Variants in ATG3 observed in about 807,000 individuals in gnomAD.
ATG3 encodes the protein ubiquitin-like-conjugating enzyme ATG3.
A neutral mutation model predicts 50.7 loss-of-function variants in ATG3; 25 were observed. That is an observed-to-expected ratio of 0.49 (90% CI 0.36 to 0.69). The LOEUF is 0.69. Among genes scored for constraint, ATG3 ranks in the 30% least tolerant of loss-of-function variants. The pLI is 0.00. For missense variants in ATG3, 281 were observed against 376.0 expected, an observed-to-expected ratio of 0.75 and a Z score of 2.09; for synonymous variants, 119 against 125.5, an observed-to-expected ratio of 0.95 and a Z score of 0.34.
At chr3:112,557,987 T>A (rs1370008589) in intron 2 of ATG3, among the ~76,000 whole-genome samples, 4 of 151,810 alleles carry the variant, frequency 2.6e-5, no homozygotes, top group Non-Finnish European at 4.4e-5. Flanking sequence ...ATCTAAGTAG[T>A]AAGCAAAGTT....
chr3:112,547,950 T>C (rs1933412744), intron 5 of ATG3, among the ~76,000 whole-genome samples: 1 of 152,250 alleles, frequency 6.6e-6, no homozygotes, highest in Non-Finnish European at 1.5e-5. Context: ...TAAAGCAAAG[T>C]AGTATGCATA....
At chr3:112,540,192 A>G (rs1291940267) in intron 7 of ATG3, among the ~76,000 whole-genome samples, 1 of 152,252 alleles carries the variant, frequency 6.6e-6, no homozygotes, top group East Asian at 1.9e-4. Context: ...CATGAAAATA[A>G]GGACAAGAAT....
intron 6 of ATG3, 77 bp from the exon 7 acceptor site, chr3:112,541,961 G>T: frequency 9.0e-7 from 1 of 1,105,726 alleles, no homozygotes; most frequent in Non-Finnish European, 1.3e-6. Flanking sequence ...TGCTAGCACA[G>T]TGGTAACCAC....
At chr3:112,558,968 A>G (rs1438188905) in intron 1 of ATG3, among the ~76,000 whole-genome samples, 2 of 151,928 alleles carry the variant, frequency 1.3e-5, no homozygotes, top group Non-Finnish European at 2.9e-5. Flanking sequence ...CGAACTCCTG[A>G]CCTCAGGTGA....
At chr3:112,545,144 G>C (rs886992323) in intron 5 of ATG3, among the ~76,000 whole-genome samples, 4 of 152,146 alleles carry the variant, frequency 2.6e-5, no homozygotes, top group Non-Finnish European at 4.4e-5. Flanking sequence ...AAGAAATGAA[G>C]TCACTGGAGA....
chr3:112,547,631 A>G (rs1933404689), intron 5 of ATG3, among the ~76,000 whole-genome samples: 1 of 152,254 alleles, frequency 6.6e-6, no homozygotes, highest in Admixed American at 6.5e-5. Context: ...AGAATAAAAA[A>G]GTATATTCAG....
At chr3:112,533,572 T>C (rs1218005364) in intron 11 of ATG3, 3 of 985,182 alleles carry the variant, frequency 3.0e-6, no homozygotes, top group East Asian at 1.1e-4. Context: ...ATCTAACACA[T>C]AGTAGCCGAA....
chr3:112,559,461 T>G (rs1933779896), intron 1 of ATG3, among the ~76,000 whole-genome samples: 1 of 152,228 alleles, frequency 6.6e-6, no homozygotes, highest in Non-Finnish European at 1.5e-5. Flanking sequence ...ATAAGGAGTT[T>G]CAACTCCAGT....
intron 10 of ATG3, chr3:112,535,120 G>C (rs921355066): frequency 3.3e-5 from 5 of 152,054 alleles, no homozygotes; most frequent in Non-Finnish European, 7.4e-5. Context: ...TCTAGGCACA[G>C]AAACCAAGAA....
At chr3:112,551,379 G>A (rs1235973893) in intron 3 of ATG3, among the ~76,000 whole-genome samples, 1 of 152,208 alleles carries the variant, frequency 6.6e-6, no homozygotes, top group African/African-American at 2.4e-5. Context: ...ACTTGTGCAC[G>A]TGAAGGCATA....
intron 2 of ATG3, among the ~76,000 whole-genome samples, chr3:112,557,241 C>A (rs933115431): frequency 6.6e-6 from 1 of 151,936 alleles, no homozygotes; most frequent in Non-Finnish European, 1.5e-5. Context: ...TTAGTAGAGA[C>A]GGGGTTTCGC....
rs962130074 is a variant in ATG3 at position 112,547,633 on chromosome 3, T to C, written c.343+900A>G. On this transcript the variant is annotated intron_variant, in intron 5 of 11. Coordinates refer to ENST00000283290, the MANE Select transcript of ATG3 (RefSeq NM_022488.5). ...TGTTTTAGGACTTAGAATAAAAAAG[T>C]ATATTCAGGGTTTCAAATAACTCAT... 7.2e-5 allele frequency among the ~76,000 whole-genome samples: 11 copies of C among 152,330 alleles called. 1 individual carries two copies. The highest frequency in any genetic ancestry group is 2.2e-4 in the African/African-American group (9 of 41,582).
At chr3:112,561,361 T>C in intron 1 of ATG3, 96 bp downstream of exon 1, 2 of 1,317,122 alleles carry the variant, frequency 1.5e-6, no homozygotes, top group South Asian at 1.2e-5. Context: ...TTCCTACACC[T>C]TGCCCCGCCG....
At chr3:112,554,168 C>G (rs910869403) in intron 2 of ATG3, among the ~76,000 whole-genome samples, 4 of 151,810 alleles carry the variant, frequency 2.6e-5, no homozygotes, top group African/African-American at 9.7e-5. Context: ...TTAAGCATAA[C>G]TGCAGTGTCC....
At chr3:112,543,510 C>A (rs868085181) in intron 6 of ATG3, among the ~76,000 whole-genome samples, 15 of 152,072 alleles carry the variant, frequency 9.9e-5, no homozygotes, top group Non-Finnish European at 2.1e-4. Context: ...TTGAATGATG[C>A]AAGCTAAAGT....
intron 2 of ATG3, among the ~76,000 whole-genome samples, chr3:112,557,339 T>C (rs1933715075): frequency 6.6e-6 from 1 of 151,562 alleles, no homozygotes; most frequent in African/African-American, 2.4e-5. Flanking sequence ...GAAACCATTC[T>C]TAAAACTCAC....
chr3:112,540,493 A>AAT (rs1394461714), intron 7 of ATG3, among the ~76,000 whole-genome samples: 1 of 152,146 alleles, frequency 6.6e-6, no homozygotes, highest in African/African-American at 2.4e-5. Context: ...TACATATATA[A>AAT]ATATATTCAT....
At chr3:112,556,131 C>T (rs1227027521) in intron 2 of ATG3, among the ~76,000 whole-genome samples, 2 of 152,196 alleles carry the variant, frequency 1.3e-5, no homozygotes, top group Non-Finnish European at 2.9e-5. Context: ...TTTTATTTGG[C>T]ATTTGAGGTA....
At chr3:112,561,100 G>C (rs76941182) in intron 1 of ATG3, among the ~76,000 whole-genome samples, 2,463 of 152,296 alleles carry the variant, frequency 0.016, 61 homozygotes, top group African/African-American at 0.056. Context: ...TTTTTAAAGA[G>C]AAGCAAAATC....
Sources: allele counts gnomAD v4.1 joint callset (sites outside exome capture counted in the v4.1 genomes callset), GRCh38; gene constraint gnomAD v4.1.1; transcripts MANE v1.5; gene names NCBI Gene and HGNC (gene_info 2026-07-23, HGNC 2026-07-21).